Variants in IGSF9 observed in about 807,000 individuals in gnomAD.
The protein encoded by IGSF9 is immunoglobulin superfamily member 9.
A neutral mutation model predicts 121.7 loss-of-function variants in IGSF9; 87 were observed. The ratio of observed to expected loss-of-function variants is 0.71; its 90% confidence interval spans 0.60 to 0.85. IGSF9 has a LOEUF of 0.85. Ranked by LOEUF, IGSF9 falls within the 40% of genes least tolerant of loss-of-function variation. The probability of loss-of-function intolerance (pLI) is 0.00; values close to 1 mark genes in which losing one functional copy is unlikely to be tolerated. For synonymous variants in IGSF9, 640 were observed against 648.4 expected (o/e 0.99, Z 0.20); for missense variants, 1,462 against 1,565.3 (o/e 0.93, Z 1.11).
rs772930307 is a variant in IGSF9, at chr1:159,936,784, C to T, written c.525G>A (p.Lys175=). ...LPHVTWKLRG[K]DLGQGQGQVQ... ...CCTGGCCCTGGCCCTGGCCAAGGTC[C>T]TTTCCTCGGAGCTTCCACGTCACAT... Residue 175 remains lysine (K), a synonymous_variant, in exon 5 of 21, where the codon AAG becomes AAA. Transcript: ENST00000368094. 3 of 1,614,242 alleles carry T rather than the reference C, an allele frequency of 1.9e-6. No individual in the cohort carries two copies. The highest frequency in any genetic ancestry group is 2.2e-5 in the East Asian group (1 of 44,884).
At position 159,930,673 on chromosome 1, in the gene IGSF9, G is replaced by A; in HGVS notation, c.1813+19C>T. On this transcript the variant is annotated intron_variant, in intron 14 of 20. Coordinates refer to ENST00000368094, the MANE Select transcript of IGSF9 (RefSeq NM_001135050.2). ...TCCCCATCCTTGTCTCTGCTGTTCT[G>A]GGACGAGAAGCTTCTCACCTTCCGG... is the stretch of plus-strand genomic sequence containing the variant. 1.2e-6 allele frequency: 2 copies of A among 1,613,748 alleles called. No individual in the cohort carries two copies. The highest frequency in any genetic ancestry group is 1.7e-6 in the Non-Finnish European group (2 of 1,179,842).
intron 3 of IGSF9, among the ~76,000 whole-genome samples, chr1:159,938,789 G>A (rs1651283406): frequency 1.3e-5 from 2 of 152,172 alleles, no homozygotes; most frequent in Admixed American, 6.5e-5. Flanking sequence ...AAATTGGGGT[G>A]GGGTGGAGGA....
At chr1:159,943,180 C>CG in intron 2 of IGSF9, 29 bp from the exon 3 acceptor site, 1 of 1,568,518 alleles carries the variant, frequency 6.4e-7, no homozygotes, top group Non-Finnish European at 8.6e-7. Context: ...GAGGGCACAA[C>CG]GGGGGGCTAG....
chr1:159,943,100 A>C lies in IGSF9; in HGVS notation c.110T>G (p.Val37Gly). 1 of 1,609,306 alleles carries C rather than the reference A, an allele frequency of 6.2e-7. No homozygotes were observed. The highest frequency in any genetic ancestry group is 8.5e-7 in the Non-Finnish European group (1 of 1,178,462). The change falls in exon 3 of 21, where the codon GTG becomes GGG. Residue 37 changes from valine to glycine, a missense_variant. Physicochemically the swap from Val to Gly is moderately radical, Grantham distance 109. Transcript: ENST00000368094. Reference protein sequence around the residue: ...VSVVGRAGESVVLGCDLLPPA... With the variant: ...VSVVGRAGESGVLGCDLLPPA... The stretch of plus-strand genomic sequence containing the variant: ...GGGCAGCAGGTCACAGCCCAGCACC[A>C]CACTCTCCCCAGCCCGGCCCACCAC...
chr1:159,932,071 A>T lies in IGSF9; in HGVS notation c.1246-143T>A. On this transcript the variant is annotated intron_variant, in intron 10 of 20. Transcript: ENST00000368094. This position sits in a 1 kb window ranked among gnomAD's most constrained non-coding sequence, Gnocchi z 4.1. ...CTAAACACTCACCAAGCCTGTCTCT[A>T]CCTCATTCTCTCTCCATCTCTCAAT... 1 of 608,742 alleles carries T rather than the reference A, an allele frequency of 1.6e-6. No homozygotes were observed. Among genetic ancestry groups the T allele is most frequent in the Non-Finnish European group, 2.9e-6 (1 of 345,204 alleles). The allele number at this position is 608,742 out of a possible 1,614,324, so 37.7% of individuals were successfully genotyped here.
At chr1:159,933,972 C>G (rs1380144837) in intron 9 of IGSF9, 1 of 582,400 alleles carries the variant, frequency 1.7e-6, no homozygotes, top group Admixed American at 3.3e-5. Context: ...TCTTCTTTCC[C>G]CAAAGAAGAC....
chr1:159,941,207 CCCA>C (rs1169124669), intron 3 of IGSF9, among the ~76,000 whole-genome samples: 15 of 152,200 alleles, frequency 9.9e-5, no homozygotes, highest in African/African-American at 3.6e-4. Context: ...GGCCACCAGC[CCCA>C]CAACAGTCCC....
At chr1:159,937,451 C>G (rs905998803) in intron 4 of IGSF9, among the ~76,000 whole-genome samples, 2 of 152,006 alleles carry the variant, frequency 1.3e-5, no homozygotes, top group African/African-American at 4.8e-5. Flanking sequence ...GTTCCTGACA[C>G]CGAGCCTAGA....
At chr1:159,939,542 T>C (rs1054117893) in intron 3 of IGSF9, among the ~76,000 whole-genome samples, 1 of 152,176 alleles carries the variant, frequency 6.6e-6, no homozygotes, top group Admixed American at 6.5e-5. Flanking sequence ...CTTAATCTTA[T>C]GTTGTTTGCA....
rs1182777508 is a variant in IGSF9, at chr1:159,934,306, G to A, written c.988C>T (p.Pro330Ser). The stretch of plus-strand genomic sequence containing the variant: ...ATGCCTATGGGCAGGGGTGTCTCAG[G>A]AGGCATAGCTGTCACCTGGGCTGGG... ...LYPAQVTAMPPETPLPIGMPG... is the reference protein window; with the variant it reads ...LYPAQVTAMPSETPLPIGMPG... Residue 330 changes from proline (P) to serine (S), a missense_variant, in exon 9 of 21, where the codon CCT (proline) becomes TCT (serine). Pro to Ser is a moderately conservative substitution (Grantham distance 74). This residue lies in a region of IGSF9 where 558 missense variants were observed against 599.4 expected (regional missense o/e 0.93). Coordinates refer to ENST00000368094, the MANE Select transcript of IGSF9 (RefSeq NM_001135050.2). The A allele has an allele frequency of 1.2e-5, 20 of 1,606,908 alleles. No individual in the cohort carries two copies. Among genetic ancestry groups the A allele is most frequent in the Non-Finnish European group, 1.7e-5 (20 of 1,176,384 alleles).
chr1:159,928,292 C>T lies in IGSF9; in HGVS notation c.3096G>A (p.Ser1032=), dbSNP rs757484319. Residue 1032 remains serine (S), a synonymous_variant, in exon 19 of 21, where the codon TCG becomes TCA. Transcript: ENST00000368094. The stretch of plus-strand genomic sequence containing the variant: ...GGGCTGTGGAGGGGGGCCGCAGGAA[C>T]GAAGCGCTGCCTCGCCCACTGCTCT... ...TSQSSGRGSA[S]FLRPPSTAPS... is the part of the protein sequence containing the mutation. 2.4e-5 allele frequency: 39 copies of T among 1,612,152 alleles called. No individual in the cohort carries two copies. The South Asian group carries it at 3.1e-4, about 13-fold the overall frequency.
rs1651029761 is a variant in IGSF9, at chr1:159,932,395, C to T, written c.1245+117G>A. ...TGCCGTGGCCACCATGGGAAACAAACTTGGAAACCCCTCCCCATGTGTCTG... is the reference window on the plus strand; with the variant it reads ...TGCCGTGGCCACCATGGGAAACAAATTTGGAAACCCCTCCCCATGTGTCTG... On this transcript the variant is annotated intron_variant, in intron 10 of 20. Transcript: ENST00000368094. This position sits in a 1 kb window ranked among gnomAD's most constrained non-coding sequence, Gnocchi z 4.1. 8.6e-6 allele frequency: 10 copies of T among 1,158,644 alleles called. No individual in the cohort carries two copies. The highest frequency in any genetic ancestry group is 1.1e-5 in the Non-Finnish European group (9 of 813,910). 71.8% of individuals were successfully genotyped at this position (1,158,644 alleles called of 1,614,324 possible). A position where few individuals can be genotyped will look rare whatever the true frequency, so the allele number is the denominator to read the frequency against.
At chr1:159,943,230 A>G (rs1651463391) in intron 2 of IGSF9, 79 bp from the exon 3 acceptor site, 2 of 1,342,066 alleles carry the variant, frequency 1.5e-6, no homozygotes, top group South Asian at 1.5e-5. Flanking sequence ...GTATCTCTGT[A>G]GGCACCTTAG....
At chr1:159,940,516 G>A (rs1411011646) in intron 3 of IGSF9, among the ~76,000 whole-genome samples, 1 of 152,188 alleles carries the variant, frequency 6.6e-6, no homozygotes, top group Non-Finnish European at 1.5e-5. Flanking sequence ...GAAGAAAACA[G>A]GAGACACAGT....
Position 159,937,741 on chromosome 1 carries a change from C to T in IGSF9, c.345G>A (p.Gln115=). The T allele has an allele frequency of 6.2e-7, 1 of 1,614,084 alleles. No homozygotes were observed. Among genetic ancestry groups the T allele is most frequent in the Non-Finnish European group, 8.5e-7 (1 of 1,179,972 alleles). The change falls in exon 4 of 21, where the codon CAG becomes CAA. Residue 115 remains glutamine, a synonymous_variant. Coordinates refer to ENST00000368094, the MANE Select transcript of IGSF9 (RefSeq NM_001135050.2). ...WYECRVFFLD[Q]HIPEDDFANG... is the part of the protein sequence containing the mutation. ...TAGCAAAATCGTCTTCAGGGATGTG[C>T]TGGTCCAGGAAGAACACGCGGCACT...
intron 14 of IGSF9, 71 bp from the exon 15 acceptor site, chr1:159,930,510 A>G: frequency 6.6e-7 from 1 of 1,517,394 alleles, no homozygotes; most frequent in Non-Finnish European, 8.8e-7. Flanking sequence ...CACAACTCCC[A>G]GTGCCCAACT....
chr1:159,930,651 C>T (rs1188059447), intron 14 of IGSF9, 41 bp downstream of exon 14: 4 of 1,611,912 alleles, frequency 2.5e-6, no homozygotes, highest in Non-Finnish European at 3.4e-6. Context: ...CAGCCCTTCC[C>T]CATCCTTGTC....
At chr1:159,943,950 AC>A (rs2101885430) in intron 1 of IGSF9, among the ~76,000 whole-genome samples, 1 of 152,172 alleles carries the variant, frequency 6.6e-6, no homozygotes, top group East Asian at 1.9e-4. Flanking sequence ...CCAGAAGAGA[AC>A]TGGGGTTCCT....
In IGSF9 at chr1:159,936,726, G is replaced by A. The variant is rs758227496; in HGVS notation, c.555+28C>T. The A allele has an allele frequency of 1.9e-5, 31 of 1,612,386 alleles. No homozygotes were observed. In the African/African-American group the frequency reaches 4.0e-4, roughly 21 times the overall value. Reference sequence around the variant, plus strand: ...CCACCTTCCCTTCACACTCTATATGGCTCACTCTGTCCACCCCCAGGACTC... The same window carrying A: ...CCACCTTCCCTTCACACTCTATATGACTCACTCTGTCCACCCCCAGGACTC... On this transcript the variant is annotated intron_variant, in intron 5 of 20. Coordinates refer to ENST00000368094, the MANE Select transcript of IGSF9 (RefSeq NM_001135050.2).
Sources: gnomAD v4.1 joint callset for allele counts (sites outside exome capture counted in the v4.1 genomes callset) on GRCh38, gnomAD v4.1.1 for gene constraint, gnomAD v4.1.1 regional missense constraint, Gnocchi (gnomAD v3.1) non-coding constraint, MANE v1.5 for transcripts, NCBI Gene and HGNC (gene_info 2026-07-23, HGNC 2026-07-21) for gene names.